INCA1: variants seen among roughly 807,000 people sequenced by gnomAD.
INCA1 encodes the protein inhibitor of CDK, cyclin A1 interacting protein 1.
A neutral mutation model predicts 25.7 loss-of-function variants in INCA1; 28 were observed. The observed-to-expected ratio is 1.09, with a 90% CI of 0.81 to 1.49. The LOEUF (loss-of-function observed/expected upper bound fraction) is 1.49. Ranked by LOEUF, INCA1 falls within the 40% of genes most tolerant of loss-of-function variation. The pLI, the probability that INCA1 is intolerant of heterozygous loss-of-function variation, is 0.00. For synonymous variants in INCA1, 111 were observed against 103.6 expected (o/e 1.07, Z -0.43); for missense variants, 309 against 290.9 (o/e 1.06, Z -0.45).
intron 1 of INCA1, among the ~76,000 whole-genome samples, chr17:4,995,203 CAAA>C (rs747828645): frequency 8.1e-6 from 1 of 123,542 alleles, no homozygotes. Context: ...GACTCTGTCT[CAAA>C]AAAAAAAAAA....
At chr17:4,989,148 C>A (rs1973621657) in intron 5 of INCA1, among the ~76,000 whole-genome samples, 1 of 152,238 alleles carries the variant, frequency 6.6e-6, no homozygotes, top group Non-Finnish European at 1.5e-5. Context: ...AACCTCCCCA[C>A]TGTCCTCCAG....
At chr17:4,992,666 C>A (rs551490650) in intron 2 of INCA1, among the ~76,000 whole-genome samples, 118 of 132,300 alleles carry the variant, frequency 8.9e-4, no homozygotes, top group Non-Finnish European at 1.5e-3. Context: ...TTTTCCTTTT[C>A]TTTCTTCCAT....
chr17:4,991,550 G>T (rs1973877884), intron 2 of INCA1, among the ~76,000 whole-genome samples: 1 of 152,194 alleles, frequency 6.6e-6, no homozygotes. Context: ...AATGATGATT[G>T]CCCTCCTGAT....
chr17:4,994,163 C>G (rs1347587753), intron 2 of INCA1, among the ~76,000 whole-genome samples: 1 of 152,218 alleles, frequency 6.6e-6, no homozygotes, highest in Admixed American at 6.5e-5. Context: ...GTAAGCTCTA[C>G]AAGAGCAGGA....
intron 4 of INCA1, 55 bp downstream of exon 4, chr17:4,989,835 A>T: frequency 6.2e-7 from 1 of 1,613,424 alleles, no homozygotes; most frequent in Non-Finnish European, 8.5e-7. Context: ...GGGACAGGAC[A>T]GCAGTGGGTG....
intron 6 of INCA1, 96 bp downstream of exon 6, chr17:4,988,683 C>T (rs970841370): frequency 1.3e-6 from 2 of 1,574,630 alleles, no homozygotes; most frequent in Non-Finnish European, 1.7e-6. Context: ...TCTCTCAAAT[C>T]CAGCTCTCCA....
rs1324994313 is a variant in INCA1 at position 4,989,567 on chromosome 17, CA to C, written c.255del (p.Glu86LysfsTer28). The C allele has an allele frequency of 3.1e-6, 5 of 1,614,086 alleles. No individual in the cohort carries two copies. The African/African-American group carries it at 6.7e-5, about 22-fold the overall frequency. The stretch of plus-strand genomic sequence containing the variant: ...CTCTTCTTTCTTCTCCAAAGCATTT[CA>C]GGGGGTGGGAGCTGCTCAGGAGGAT... On this transcript the variant is annotated frameshift_variant, in exon 5 of 7. Coordinates refer to ENST00000576820, the Ensembl canonical transcript of INCA1. LOFTEE classifies it high-confidence loss of function.
chr17:4,990,061 C>A (rs1254028094), intron 3 of INCA1, 91 bp downstream of exon 3: 6 of 1,610,684 alleles, frequency 3.7e-6, no homozygotes, highest in Non-Finnish European at 5.1e-6. Context: ...GGAAATTAAC[C>A]GCAGACTAGG....
intron 6 of INCA1, 39 bp from the exon 7 acceptor site, chr17:4,988,593 G>A: frequency 1.2e-6 from 2 of 1,606,722 alleles, no homozygotes; most frequent in Non-Finnish European, 1.7e-6. Context: ...AAATGGAAAA[G>A]TAGGTCTTCT....
At position 4,989,006 on chromosome 17, in the gene INCA1, C is replaced by A; in HGVS notation, c.396-62G>T. ...AGGCCAGGCTTCCTGTCTCTCCATT[C>A]TTCACCTTTCTGTTCTGAAATACTT... On this transcript the variant is annotated intron_variant, in intron 5 of 6. Transcript: ENST00000576820. 3.3e-6 allele frequency: 5 copies of A among 1,508,886 alleles called. No individual in the cohort carries two copies. In the South Asian group the frequency reaches 4.9e-5, roughly 15 times the overall value. 93.5% of individuals were successfully genotyped at this position (1,508,886 alleles called of 1,614,324 possible). A position where few individuals can be genotyped will look rare whatever the true frequency, so the allele number is the denominator to read the frequency against.
chr17:4,988,702 C>T, intron 6 of INCA1, 77 bp downstream of exon 6: 1 of 1,591,306 alleles, frequency 6.3e-7, no homozygotes. Context: ...CAGCCTGGCT[C>T]TCAGCTTCTG....
At chr17:4,993,420 C>A (rs1449453844) in intron 2 of INCA1, among the ~76,000 whole-genome samples, 3 of 152,172 alleles carry the variant, frequency 2.0e-5, no homozygotes, top group Non-Finnish European at 2.9e-5. Flanking sequence ...CTCAGGTGAT[C>A]TGCCCACCTC....
chr17:4,989,457 G>A (rs1973670514), exon 5 of INCA1: 1 of 1,613,864 alleles, frequency 6.2e-7, no homozygotes, highest in African/African-American at 1.3e-5. Context: ...GCCTTCTTAG[G>A]TCCTCCAGGT....
intron 2 of INCA1, among the ~76,000 whole-genome samples, chr17:4,993,569 C>T (rs112195538): frequency 0.026 from 3,693 of 143,494 alleles, 58 homozygotes; most frequent in Non-Finnish European, 0.04. Context: ...CCTGGGTTCA[C>T]GCCATTCTCC....
In INCA1 at chr17:4,988,773, C is replaced by T. The variant is rs1459833911; in HGVS notation, c.561+6G>A. 3 of 1,614,048 alleles carry T rather than the reference C, an allele frequency of 1.9e-6. No individual in the cohort carries two copies. The highest frequency in any genetic ancestry group is 2.5e-6 in the Non-Finnish European group (3 of 1,180,006). On this transcript the variant is annotated splice_donor_region_variant and intron_variant, in intron 6 of 6. Transcript: ENST00000576820. ...CTCACTCCACCCAGTTCCACTCCAA[C>T]AATACCTGGGCCCTGCCAGGAGTGA...
At chr17:4,997,093 T>A (rs554236839), upstream of INCA1, 189 of 152,100 alleles carry the variant, frequency 1.2e-3, no homozygotes, top group Non-Finnish European at 1.7e-3. Context: ...CCTGCGAGGG[T>A]GGATGAGGAC....
In INCA1 at chr17:4,989,408, C is replaced by A; in HGVS notation, c.395+20G>T. ...CAAATCCTGCATGACTCCCAGAACC[C>A]AGATGTCTCCCTTCCTTACTCGTTG... On this transcript the variant is annotated intron_variant, in intron 5 of 6. Coordinates refer to ENST00000576820, the Ensembl canonical transcript of INCA1. The A allele has an allele frequency of 6.2e-7, 1 of 1,603,240 alleles. No homozygotes were observed. Among genetic ancestry groups the A allele is most frequent in the South Asian group, 1.1e-5 (1 of 90,150 alleles).
intron 2 of INCA1, among the ~76,000 whole-genome samples, chr17:4,992,698 T>TTCCC (rs1411478458): frequency 3.4e-5 from 5 of 148,302 alleles, no homozygotes; most frequent in Non-Finnish European, 6.0e-5. Flanking sequence ...CTCTCCTTCT[T>TTCCC]TCCCTCCCTC....
intron 1 of INCA1, chr17:4,995,940 TAAAA>T (rs1040734203): frequency 1.8e-5 from 2 of 110,708 alleles, no homozygotes; most frequent in African/African-American, 2.8e-5. Context: ...TCTAACAAAA[TAAAA>T]AAAGAAATTA....
Sources: gnomAD v4.1 joint callset for allele counts (sites outside exome capture counted in the v4.1 genomes callset) on GRCh38, gnomAD v4.1.1 for gene constraint, MANE v1.5 for transcripts, NCBI Gene and HGNC (gene_info 2026-07-23, HGNC 2026-07-21) for gene names.